GFM2: variants seen among roughly 807,000 people sequenced by gnomAD.
GFM2 encodes the protein ribosome-releasing factor 2, mitochondrial.
Under a neutral mutation model 95.4 loss-of-function variants are expected in GFM2, and 72 were observed. The ratio of observed to expected loss-of-function variants is 0.76; its 90% CI spans 0.62 to 0.92. The LOEUF is 0.92. GFM2 is among the 40% of genes least tolerant of loss of function. GFM2 has a pLI of 0.00. For missense variants in GFM2, 825 were observed against 924.1 expected (o/e 0.89, Z 1.39); for synonymous variants, 276 against 317.5 (o/e 0.87, Z 1.39).
chr5:74,737,050 A>T (rs1742873219), intron 14 of GFM2, 65 bp from the exon 15 acceptor site: 1 of 1,530,374 alleles, frequency 6.5e-7, no homozygotes, highest in Admixed American at 1.9e-5. Context: ...TTACACCAAG[A>T]ACCACAATAT....
intron 10 of GFM2, among the ~76,000 whole-genome samples, chr5:74,744,539 A>G (rs757890157): frequency 8.5e-5 from 13 of 152,172 alleles, no homozygotes; most frequent in Non-Finnish European, 1.5e-4. Context: ...TACTAACAAT[A>G]TAATATAAAA....
intron 10 of GFM2, among the ~76,000 whole-genome samples, chr5:74,742,672 C>CT (rs112221111): frequency 0.21 from 31,500 of 146,694 alleles, 4,397 homozygotes; most frequent in African/African-American, 0.41. Context: ...CCATTGTACT[C>CT]TTTTTTTTTT....
chr5:74,728,374 A>G (rs991021929), intron 17 of GFM2, among the ~76,000 whole-genome samples: 2 of 152,218 alleles, frequency 1.3e-5, no homozygotes, highest in African/African-American at 2.4e-5. Flanking sequence ...TTTACTATTT[A>G]TTAAGTAAAA....
rs375722611 is a variant in GFM2 at position 74,738,120 on chromosome 5, G to A, written c.1320+198C>T. On this transcript the variant is annotated intron_variant, in intron 14 of 20. Coordinates refer to ENST00000296805, the MANE Select transcript of GFM2 (RefSeq NM_032380.5). Reference sequence around the variant, plus strand: ...ACTTTATATGAATACAATCCATCCCGTCTGTGGTCTTCCGTAATCTACTTT... The same window carrying A: ...ACTTTATATGAATACAATCCATCCCATCTGTGGTCTTCCGTAATCTACTTT... 3.3e-5 allele frequency among the ~76,000 whole-genome samples: 5 copies of A among 152,134 alleles called. No individual in the cohort carries two copies. The East Asian group carries it at 5.8e-4, about 18-fold the overall frequency.
At chr5:74,722,019 T>C (rs2112194873) in intron 20 of GFM2, among the ~76,000 whole-genome samples, 1 of 152,292 alleles carries the variant, frequency 6.6e-6, no homozygotes, top group South Asian at 2.1e-4. Context: ...TAGATGGCTT[T>C]GCCGGCAACC....
chr5:74,740,333 T>C (rs545899669), intron 11 of GFM2, among the ~76,000 whole-genome samples, 196 bp from the exon 12 acceptor site: 28 of 152,156 alleles, frequency 1.8e-4, no homozygotes, highest in Non-Finnish European at 4.0e-4. Flanking sequence ...TCCTATTCGC[T>C]AGAATGTAAA....
intron 1 of GFM2, among the ~76,000 whole-genome samples, chr5:74,764,132 T>G (rs1329976823): frequency 6.6e-6 from 1 of 152,248 alleles, no homozygotes; most frequent in Non-Finnish European, 1.5e-5. Flanking sequence ...CATATTAACT[T>G]GGTAATTTCT....
At chr5:74,761,322 CCAAA>C (rs1744273638) in intron 2 of GFM2, among the ~76,000 whole-genome samples, 1 of 152,134 alleles carries the variant, frequency 6.6e-6, no homozygotes. Flanking sequence ...GGGGATGGAG[CCAAA>C]CAATCTGTTT....
rs369071633 is a variant in GFM2, at chr5:74,750,670, A to G, written c.431-3T>C. On this transcript the variant is annotated splice_polypyrimidine_tract_variant and splice_region_variant and intron_variant, in intron 6 of 20. Transcript: ENST00000296805. ...CTCCAAGGTAAAGTCCACATGACCT[A>G]AGAAAAAGATAAGACGTATAATGCC... The G allele has an allele frequency of 8.1e-5, 131 of 1,609,208 alleles. 6 individuals are homozygous for G. The Middle Eastern group carries it at 7.7e-3, about 95-fold the overall frequency.
Position 74,721,722 on chromosome 5 carries a change from GA to G in GFM2, c.2272del (p.Ser758LeufsTer6). On this transcript the variant is annotated frameshift_variant, in exon 21 of 21. Transcript: ENST00000296805. LOFTEE classifies it high-confidence loss of function. ...SGSATFALEL[S>X]TYQAMNPQDQ... ...TTGAGGATTCATGGCTTGATAAGTAGATAGTTCTAAGGCAAAAGTAGCTGAG... is the reference window on the plus strand; with the variant it reads ...TTGAGGATTCATGGCTTGATAAGTAGTAGTTCTAAGGCAAAAGTAGCTGAG... 1 of 1,613,716 alleles carries G rather than the reference GA, an allele frequency of 6.2e-7. No individual in the cohort carries two copies. Among genetic ancestry groups the G allele is most frequent in the Non-Finnish European group, 8.5e-7 (1 of 1,179,708 alleles).
In GFM2 at chr5:74,721,346, CTTAAGGACACAAAAGAAACACAA is replaced by C; in HGVS notation, c.*286_*308del. ...CCTGGCATCTTTCTTGTGAGACAAGCTTAAGGACACAAAAGAAACACAACTTTGTGATACCACTCTTCTGAAGG... is the reference window on the plus strand; with the variant it reads ...CCTGGCATCTTTCTTGTGAGACAAGCCTTTGTGATACCACTCTTCTGAAGG... On this transcript the variant is annotated 3_prime_UTR_variant, in exon 21 of 21. Transcript: ENST00000296805. 1.3e-6 allele frequency: 1 copy of C among 751,456 alleles called. No homozygotes were observed. Among genetic ancestry groups the C allele is most frequent in the Non-Finnish European group, 2.4e-6 (1 of 420,090 alleles). 46.5% of individuals were successfully genotyped at this position (751,456 alleles called of 1,614,324 possible).
At chr5:74,743,784 A>C (rs936866773) in intron 10 of GFM2, among the ~76,000 whole-genome samples, 2 of 152,238 alleles carry the variant, frequency 1.3e-5, no homozygotes, top group Non-Finnish European at 2.9e-5. Context: ...CTTTAGCTCT[A>C]AACAGATTAA....
intron 5 of GFM2, among the ~76,000 whole-genome samples, chr5:74,754,072 CA>C (rs950800069): frequency 3.3e-5 from 5 of 152,086 alleles, no homozygotes; most frequent in Non-Finnish European, 7.4e-5. Flanking sequence ...CCTCCTTAAA[CA>C]AAACAATTAT....
intron 17 of GFM2, among the ~76,000 whole-genome samples, chr5:74,727,161 T>C (rs1579969776): frequency 3.3e-5 from 5 of 152,154 alleles, no homozygotes; most frequent in South Asian, 2.1e-4. Context: ...GAGCAAGACA[T>C]TGTCTCAATA....
Position 74,738,327 on chromosome 5 carries a change from C to G in GFM2, c.1311G>C (p.Gly437=), listed in dbSNP as rs371508939. The change falls in exon 14 of 21, where the codon GGG becomes GGC. Residue 437 remains glycine (G), a synonymous_variant. Transcript: ENST00000296805. The part of the protein sequence containing the change: ...LTAGNIALTV[G]LKHTATGDTI... ...TCATTTGGTCACTTACATGTTTAAG[C>G]CCAACAGTCAAAGCAATGTTACCAG... is the stretch of plus-strand genomic sequence containing the variant. 2 of 1,611,518 alleles carry G rather than the reference C, an allele frequency of 1.2e-6. No homozygotes were observed. Among genetic ancestry groups the G allele is most frequent in the Non-Finnish European group, 1.7e-6 (2 of 1,178,662 alleles).
intron 5 of GFM2, among the ~76,000 whole-genome samples, chr5:74,751,973 T>C (rs1266775300): frequency 6.6e-6 from 1 of 152,126 alleles, no homozygotes; most frequent in East Asian, 1.9e-4. Context: ...TGCTGGGTTG[T>C]TATTATAAGG....
At chr5:74,742,257 T>TAAA (rs36116775) in intron 10 of GFM2, among the ~76,000 whole-genome samples, 1 of 139,982 alleles carries the variant, frequency 7.1e-6, no homozygotes, top group Non-Finnish European at 1.6e-5. Flanking sequence ...TCAAACTTGG[T>TAAA]AAAAAAAAAA....
At chr5:74,741,063 T>C (rs767214016) in intron 11 of GFM2, among the ~76,000 whole-genome samples, 2 of 152,202 alleles carry the variant, frequency 1.3e-5, no homozygotes, top group Non-Finnish European at 1.5e-5. Flanking sequence ...AATTGCCTCT[T>C]CTCTGGCTTA....
rs750930629 is a variant in GFM2, at chr5:74,751,513, T to A, written c.305-20A>T. ...CAACATCTAGCCAGGAAAAAGATGATACAGTTTAGTCTTAATAGCAAGTGT... is the reference window on the plus strand; with the variant it reads ...CAACATCTAGCCAGGAAAAAGATGAAACAGTTTAGTCTTAATAGCAAGTGT... On this transcript the variant is annotated intron_variant, in intron 5 of 20. Coordinates refer to ENST00000296805, the MANE Select transcript of GFM2 (RefSeq NM_032380.5). 3.1e-6 allele frequency: 5 copies of A among 1,591,838 alleles called. No individual in the cohort carries two copies. The highest frequency in any genetic ancestry group is 4.3e-6 in the Non-Finnish European group (5 of 1,160,284).
Sources: allele counts gnomAD v4.1 joint callset (sites outside exome capture counted in the v4.1 genomes callset), GRCh38; gene constraint gnomAD v4.1.1; transcripts MANE v1.5; gene names NCBI Gene and HGNC (gene_info 2026-07-23, HGNC 2026-07-21).